KATNIP: variants seen among roughly 807,000 people sequenced by gnomAD.
KATNIP encodes the protein katanin interacting protein, also known as katanin-interacting protein.
In KATNIP, 126 loss-of-function variants were observed where a neutral mutation model predicts 174.0. The observed-to-expected ratio is 0.72, with a 90% CI of 0.63 to 0.84. The LOEUF is 0.84. Ranked by LOEUF, KATNIP falls within the 40% of genes least tolerant of loss-of-function variation. The pLI is 0.00. For missense variants in KATNIP, 1,958 were observed against 2,109.7 expected, an observed-to-expected ratio of 0.93 and a Z score of 1.41; for synonymous variants, 810 against 835.7, an observed-to-expected ratio of 0.97 and a Z score of 0.53.
chr16:27,731,728 C>T lies in KATNIP; in HGVS notation c.1744-8313C>T, dbSNP rs12444074. 7.6e-3 allele frequency among the ~76,000 whole-genome samples: 1,161 copies of T among 152,112 alleles called. 10 individuals carry two copies. The highest frequency in any genetic ancestry group is 0.012 in the Non-Finnish European group (793 of 67,998). ...CCACCTCCTGGGTTCAAGCGATTCT[C>T]CTGCCTCAGCCTCCCAAGTAGCTGG... On this transcript the variant is annotated intron_variant, in intron 14 of 27. Coordinates refer to ENST00000261588, the MANE Select transcript of KATNIP (RefSeq NM_015202.5).
At chr16:27,575,225 G>A (rs1369463746) in intron 2 of KATNIP, among the ~76,000 whole-genome samples, 1 of 152,214 alleles carries the variant, frequency 6.6e-6, no homozygotes, top group Non-Finnish European at 1.5e-5. Context: ...AAGGTGATGT[G>A]CAGGCTACTT....
chr16:27,601,581 T>G (rs1028918665), intron 2 of KATNIP, among the ~76,000 whole-genome samples: 6 of 152,024 alleles, frequency 3.9e-5, no homozygotes, highest in Admixed American at 3.9e-4. Flanking sequence ...CTCCCAAAGT[T>G]CTGGGATTAC....
intron 18 of KATNIP, among the ~76,000 whole-genome samples, chr16:27,757,342 G>C (rs1334154569): frequency 6.6e-6 from 1 of 152,232 alleles, no homozygotes; most frequent in Admixed American, 6.5e-5. Context: ...CAGGCCTGGA[G>C]CCCAGAGAAA....
chr16:27,733,004 G>C (rs139877406), intron 14 of KATNIP, among the ~76,000 whole-genome samples: 7 of 152,162 alleles, frequency 4.6e-5, no homozygotes, highest in Admixed American at 3.3e-4. Flanking sequence ...CAGTTGTGTC[G>C]CCATGCCAAG....
intron 1 of KATNIP, among the ~76,000 whole-genome samples, chr16:27,552,345 T>A (rs1286543257): frequency 1.3e-5 from 2 of 151,818 alleles, no homozygotes; most frequent in East Asian, 1.9e-4. Context: ...TTTCATACTA[T>A]ACAAAATTTA....
Position 27,740,938 on chromosome 16 carries a change from G to GC in KATNIP, c.2623+21dup. On this transcript the variant is annotated intron_variant, in intron 15 of 27. Transcript: ENST00000261588. ...CAGCAGAGGTAAGCTCCAAAGAGCA[G>GC]CCCGACTTGGGCATCATCATCCCAG... 1 of 1,569,476 alleles carries GC rather than the reference G, an allele frequency of 6.4e-7. No individual in the cohort carries two copies.
At chr16:27,645,022 G>C (rs1313639251) in intron 5 of KATNIP, among the ~76,000 whole-genome samples, 1 of 152,172 alleles carries the variant, frequency 6.6e-6, no homozygotes, top group Non-Finnish European at 1.5e-5. Context: ...TGGGCACCTT[G>C]CTCCCCTCAA....
intron 6 of KATNIP, chr16:27,669,289 C>A (rs2077801757): frequency 1.0e-6 from 1 of 985,252 alleles, no homozygotes. Context: ...GTCTTTGTAT[C>A]AGCGTCCGTC....
intron 3 of KATNIP, among the ~76,000 whole-genome samples, chr16:27,622,761 G>A (rs576668620): frequency 2.0e-5 from 3 of 152,294 alleles, no homozygotes; most frequent in African/African-American, 4.8e-5. Flanking sequence ...ATCACTGGGG[G>A]CCTCACCTGG....
chr16:27,751,877 G>A lies in KATNIP; in HGVS notation c.3505G>A (p.Gly1169Arg), dbSNP rs2081533270. 2 of 1,613,214 alleles carry A rather than the reference G, an allele frequency of 1.2e-6. No individual in the cohort carries two copies. The highest frequency in any genetic ancestry group is 1.3e-5 in the African/African-American group (1 of 74,918). ...MRRPSTADGE[G>R]DERPFTQAGL... ...GAGGCCCAGCACGGCCGACGGCGAGGGGGATGAGCGGCCCTTCACCCAGGC... is the reference window on the plus strand; with the variant it reads ...GAGGCCCAGCACGGCCGACGGCGAGAGGGATGAGCGGCCCTTCACCCAGGC... The change falls in exon 17 of 28, where the codon GGG becomes AGG. Residue 1169 changes from glycine (G) to arginine (R), a missense_variant. Physicochemically the swap from Gly to Arg is moderately radical, Grantham distance 125 (BLOSUM62 -2). Coordinates refer to ENST00000261588, the MANE Select transcript of KATNIP (RefSeq NM_015202.5).
intron 1 of KATNIP, among the ~76,000 whole-genome samples, chr16:27,560,475 C>G (rs1395822363): frequency 1.3e-5 from 2 of 152,092 alleles, no homozygotes; most frequent in Non-Finnish European, 2.9e-5. Context: ...TACCTGTCAT[C>G]TGGTGCTCAC....
Position 27,774,940 on chromosome 16 carries a change from C to T in KATNIP, c.4310-5C>T. 2 of 1,613,898 alleles carry T rather than the reference C, an allele frequency of 1.2e-6. No homozygotes were observed. Among genetic ancestry groups the T allele is most frequent in the Non-Finnish European group, 1.7e-6 (2 of 1,179,932 alleles). The stretch of plus-strand genomic sequence containing the variant: ...TGGGTTATGGCAACTTAGACGTCTC[C>T]TCAGATATTGCGGCCTTCCCCGACA... On this transcript the variant is annotated splice_polypyrimidine_tract_variant and splice_region_variant and intron_variant, in intron 23 of 27. Transcript: ENST00000261588.
At chr16:27,566,655 A>G (rs2090102206) in intron 1 of KATNIP, among the ~76,000 whole-genome samples, 1 of 152,196 alleles carries the variant, frequency 6.6e-6, no homozygotes, top group African/African-American at 2.4e-5. Context: ...CACGCTGAGC[A>G]TACTGGGTCA....
At chr16:27,613,486 A>G (rs535450554) in intron 2 of KATNIP, among the ~76,000 whole-genome samples, 5 of 152,314 alleles carry the variant, frequency 3.3e-5, no homozygotes, top group South Asian at 4.1e-4. Context: ...TTGAAGTCCC[A>G]TATTTCATCT....
chr16:27,623,027 G>A (rs983419975), intron 3 of KATNIP, among the ~76,000 whole-genome samples: 1 of 152,152 alleles, frequency 6.6e-6, no homozygotes, highest in African/African-American at 2.4e-5. Flanking sequence ...GTGACCTACA[G>A]GTTCTGGGGA....
intron 2 of KATNIP, among the ~76,000 whole-genome samples, chr16:27,603,737 CTTT>C (rs35121026): frequency 3.2e-4 from 42 of 130,976 alleles, no homozygotes; most frequent in Admixed American, 2.3e-4. Context: ...TTCCCACTTC[CTTT>C]TTTTTTTTTT....
At chr16:27,635,965 G>A (rs1208988354) in intron 5 of KATNIP, among the ~76,000 whole-genome samples, 1 of 152,054 alleles carries the variant, frequency 6.6e-6, no homozygotes, top group Non-Finnish European at 1.5e-5. Flanking sequence ...ACCACCCCAG[G>A]CAACATAGTG....
intron 2 of KATNIP, among the ~76,000 whole-genome samples, chr16:27,588,591 G>C (rs2141842892): frequency 6.6e-6 from 1 of 152,144 alleles, no homozygotes; most frequent in East Asian, 1.9e-4. Context: ...TCCTGCCTCA[G>C]CCTCCCAAGT....
chr16:27,673,224 T>C, intron 6 of KATNIP, among the ~76,000 whole-genome samples: 1 of 152,226 alleles, frequency 6.6e-6, no homozygotes, highest in East Asian at 1.9e-4. Context: ...TTACAGGGTT[T>C]TTCTGAGCAT....
Sources: gnomAD v4.1 joint callset for allele counts (sites outside exome capture counted in the v4.1 genomes callset) on GRCh38, gnomAD v4.1.1 for gene constraint, MANE v1.5 for transcripts, NCBI Gene and HGNC (gene_info 2026-07-23, HGNC 2026-07-21) for gene names.